CEP128: variants seen among roughly 807,000 people sequenced by gnomAD.
CEP128 encodes centrosomal protein 128kDa.
Under a neutral mutation model 156.7 loss-of-function variants are expected in CEP128, and 132 were observed. The observed-to-expected ratio is 0.84, with a 90% CI of 0.73 to 0.97. The LOEUF (loss-of-function observed/expected upper bound fraction) is 0.97, where lower values mean the gene tolerates loss of function less well. CEP128 is among the 50% of genes least tolerant of loss of function. The probability of loss-of-function intolerance (pLI) is 0.00; values close to 1 mark genes in which losing one functional copy is unlikely to be tolerated. For synonymous variants in CEP128, 469 were observed against 448.9 expected, an observed-to-expected ratio of 1.04 and a Z score of -0.57; for missense variants, 1,252 against 1,281.9, an observed-to-expected ratio of 0.98 and a Z score of 0.36.
intron 8 of CEP128, among the ~76,000 whole-genome samples, chr14:80,892,981 A>G (rs754870669): frequency 6.6e-6 from 1 of 151,998 alleles, no homozygotes; most frequent in Non-Finnish European, 1.5e-5. Flanking sequence ...CTGAGCATAT[A>G]CCCAAAGGAA....
At chr14:80,797,038 T>C (rs1350865232) in intron 13 of CEP128, among the ~76,000 whole-genome samples, 1 of 152,182 alleles carries the variant, frequency 6.6e-6, no homozygotes, top group African/African-American at 2.4e-5. Flanking sequence ...GATAGATGTC[T>C]AAAAGATAAC....
Position 80,642,004 on chromosome 14 carries a change from G to A in CEP128, c.2807-61581C>T, listed in dbSNP as rs181957437. Among the ~76,000 whole-genome samples, 1,163 of 150,926 alleles carry A rather than the reference G, an allele frequency of 7.7e-3. 24 individuals are homozygous for A. The highest frequency in any genetic ancestry group is 0.027 in the African/African-American group (1,101 of 41,062). On this transcript the variant is annotated intron_variant, in intron 19 of 24. Coordinates refer to ENST00000555265, the MANE Select transcript of CEP128 (RefSeq NM_152446.5). ...ACTCCGGAGGCTGAGGCAGAAGAAT[G>A]ATGTGAACCCGGGAGGCGGAGCTTG... is the stretch of plus-strand genomic sequence containing the variant.
intron 2 of CEP128, chr14:80,955,804 A>G (rs766387143): frequency 1.9e-6 from 3 of 1,614,202 alleles, no homozygotes; most frequent in South Asian, 2.2e-5. Context: ...AGTCACCTGC[A>G]AGGATATTCA....
At chr14:80,804,498 A>AC (rs1215165560) in intron 13 of CEP128, among the ~76,000 whole-genome samples, 2 of 152,164 alleles carry the variant, frequency 1.3e-5, no homozygotes, top group Non-Finnish European at 2.9e-5. Flanking sequence ...TATAATACTG[A>AC]CCCTATGAAC....
intron 19 of CEP128, among the ~76,000 whole-genome samples, chr14:80,729,739 G>T (rs190966909): frequency 3.3e-4 from 50 of 152,242 alleles, no homozygotes; most frequent in African/African-American, 1.2e-3. Context: ...GCAGGAGAAG[G>T]TATCACCAAA....
At chr14:80,522,596 A>T (rs759592278) in intron 23 of CEP128, among the ~76,000 whole-genome samples, 87 of 152,248 alleles carry the variant, frequency 5.7e-4, no homozygotes, top group Non-Finnish European at 1.0e-3. Context: ...AATTTTACTA[A>T]AAAATTCCAA....
chr14:80,954,933 T>A (rs1349926714), intron 2 of CEP128: 3 of 153,008 alleles, frequency 2.0e-5, no homozygotes, highest in Non-Finnish European at 4.4e-5. Context: ...GCCCCAAAGT[T>A]CAGTTCCTGA....
At chr14:80,792,117 T>C (rs1185824348) in intron 14 of CEP128, among the ~76,000 whole-genome samples, 2 of 152,176 alleles carry the variant, frequency 1.3e-5, no homozygotes, top group Non-Finnish European at 2.9e-5. Context: ...ATAAAATCCA[T>C]TTAAAGTAAC....
chr14:80,581,676 A>G (rs1891598707), intron 19 of CEP128, among the ~76,000 whole-genome samples: 1 of 152,168 alleles, frequency 6.6e-6, no homozygotes, highest in African/African-American at 2.4e-5. Context: ...ACCTCCCTTA[A>G]TCAGGTACGT....
intron 16 of CEP128, among the ~76,000 whole-genome samples, chr14:80,770,395 T>G (rs1009039766): frequency 1.3e-5 from 2 of 152,212 alleles, no homozygotes; most frequent in Non-Finnish European, 2.9e-5. Flanking sequence ...CACATATAAA[T>G]GCATCCTCTC....
intron 1 of CEP128, among the ~76,000 whole-genome samples, chr14:80,940,657 C>T (rs940998313): frequency 2.1e-5 from 3 of 142,264 alleles, no homozygotes; most frequent in East Asian, 2.1e-4. Flanking sequence ...CCAGCCTGGG[C>T]GACAGAGCCA....
In CEP128 at chr14:80,795,979, A is replaced by C. The variant is rs146690155; in HGVS notation, c.1210-2869T>G. ...TTAAAAAATAAAGAAAAGAAAAACA[A>C]CACCAACAAAAGCACTTTCCTCAAT... On this transcript the variant is annotated intron_variant, in intron 13 of 24. Transcript: ENST00000555265. Among the ~76,000 whole-genome samples, 433 of 152,286 alleles carry C rather than the reference A, an allele frequency of 2.8e-3. 1 individual carries two copies. Among genetic ancestry groups the C allele is most frequent in the African/African-American group, 1.0e-2 (415 of 41,562 alleles).
At chr14:80,596,845 T>TG (rs371897566) in intron 19 of CEP128, among the ~76,000 whole-genome samples, 24,924 of 72,252 alleles carry the variant, frequency 0.34, 2,753 homozygotes, top group Admixed American at 0.38. Context: ...AAAAAAAAGG[T>TG]GGGGGGGGGA....
intron 13 of CEP128, among the ~76,000 whole-genome samples, chr14:80,808,832 C>T (rs1007458710): frequency 1.3e-5 from 2 of 152,128 alleles, no homozygotes; most frequent in Non-Finnish European, 2.9e-5. Flanking sequence ...GGGCCCTTCC[C>T]AACCAACGCC....
At chr14:80,889,623 A>G (rs1238818843) in intron 8 of CEP128, among the ~76,000 whole-genome samples, 1 of 152,238 alleles carries the variant, frequency 6.6e-6, no homozygotes, top group Non-Finnish European at 1.5e-5. Flanking sequence ...TATAAAAATT[A>G]ACTCAAGATG....
rs1303323896 is a variant in CEP128, at chr14:80,901,445, G to C, written c.481-1416C>G. Reference sequence around the variant, plus strand: ...TATTAGTGCCAGCTACTGAGAAGTGGCTCAAAATCTGATATGAGAGCCAGA... The same window carrying C: ...TATTAGTGCCAGCTACTGAGAAGTGCCTCAAAATCTGATATGAGAGCCAGA... On this transcript the variant is annotated intron_variant, in intron 6 of 24. Transcript: ENST00000555265. Among the ~76,000 whole-genome samples, 7 of 152,274 alleles carry C rather than the reference G, an allele frequency of 4.6e-5. No individual in the cohort carries two copies. In the East Asian group the frequency reaches 1.2e-3, roughly 25 times the overall value.
At chr14:80,848,841 G>T (rs1886743730) in intron 9 of CEP128, among the ~76,000 whole-genome samples, 1 of 151,918 alleles carries the variant, frequency 6.6e-6, no homozygotes, top group Admixed American at 6.6e-5. Flanking sequence ...AGAATCACTT[G>T]AACCCAGGAG....
intron 9 of CEP128, among the ~76,000 whole-genome samples, chr14:80,845,773 C>T (rs532541249): frequency 3.6e-4 from 54 of 152,078 alleles, no homozygotes; most frequent in Non-Finnish European, 5.6e-4. Flanking sequence ...CTATCTGTAG[C>T]AAAACGGTTT....
Position 80,906,057 on chromosome 14 carries a change from T to A in CEP128, c.259A>T (p.Ile87Phe), listed in dbSNP as rs775436301. 1.9e-6 allele frequency: 3 copies of A among 1,605,352 alleles called. No individual in the cohort carries two copies. The highest frequency in any genetic ancestry group is 2.2e-5 in the East Asian group (1 of 44,624). ...AAACGTTGACTCCGGAGTTGGTCGATTGATTGTTCCAAGCTTTCTTTTAAC... is the reference window on the plus strand; with the variant it reads ...AAACGTTGACTCCGGAGTTGGTCGAATGATTGTTCCAAGCTTTCTTTTAAC... Reference protein sequence around the residue: ...EHLKESLEQSIDQLRSQRLLR... With the variant: ...EHLKESLEQSFDQLRSQRLLR... Residue 87 changes from isoleucine to phenylalanine, a missense_variant, in exon 5 of 25, where the codon ATC becomes TTC. Ile to Phe is a conservative substitution (Grantham distance 21). Coordinates refer to ENST00000555265, the MANE Select transcript of CEP128 (RefSeq NM_152446.5).
Sources: gnomAD v4.1 joint callset for allele counts (sites outside exome capture counted in the v4.1 genomes callset) on GRCh38, gnomAD v4.1.1 for gene constraint, MANE v1.5 for transcripts, NCBI Gene and HGNC (gene_info 2026-07-23, HGNC 2026-07-21) for gene names.